The following NFAT5 variants were observed in gnomAD, a reference collection of about 807,000 sequenced individuals.
The protein encoded by NFAT5 is nuclear factor of activated T cells 5.
Under a neutral mutation model 166.5 loss-of-function variants are expected in NFAT5, and 31 were observed. The observed-to-expected ratio is 0.19, with a 90% CI of 0.14 to 0.25. The LOEUF is 0.25. Ranked by LOEUF, NFAT5 falls within the 10% of genes least tolerant of loss-of-function variation. The pLI is 1.00. For missense variants in NFAT5, 1,449 were observed against 1,821.8 expected (o/e 0.80, Z 3.72); for synonymous variants, 612 against 639.7 (o/e 0.96, Z 0.65).
At chr16:69,625,726 A>T (rs2034424814) in intron 2 of NFAT5, among the ~76,000 whole-genome samples, 1 of 152,094 alleles carries the variant, frequency 6.6e-6, no homozygotes, top group Admixed American at 6.5e-5. Context: ...ATGCCATTTC[A>T]TATGTAAAGG....
intron 2 of NFAT5, among the ~76,000 whole-genome samples, chr16:69,573,867 C>A (rs1470282463): frequency 7.1e-6 from 1 of 140,670 alleles, no homozygotes; most frequent in African/African-American, 2.7e-5. Flanking sequence ...AAAAAACAGC[C>A]ACTTTTTTTT....
chr16:69,655,307 G>A (rs1057268137), intron 5 of NFAT5, among the ~76,000 whole-genome samples: 1 of 152,076 alleles, frequency 6.6e-6, no homozygotes, highest in African/African-American at 2.4e-5. Context: ...CCCAAATGCT[G>A]CCTGAAGTAC....
intron 2 of NFAT5, among the ~76,000 whole-genome samples, chr16:69,594,917 G>T (rs1424775470): frequency 2.6e-5 from 4 of 152,140 alleles, no homozygotes; most frequent in Non-Finnish European, 5.9e-5. Flanking sequence ...ACATTCGAGG[G>T]CAGGAAACAT....
chr16:69,661,267 C>T (rs1303542543), intron 7 of NFAT5, among the ~76,000 whole-genome samples: 1 of 150,840 alleles, frequency 6.6e-6, no homozygotes, highest in African/African-American at 2.4e-5. Flanking sequence ...TCATTTTACT[C>T]CAGCTGTTTA....
intron 11 of NFAT5, among the ~76,000 whole-genome samples, chr16:69,689,606 C>T (rs1031935790): frequency 2.0e-5 from 3 of 152,202 alleles, no homozygotes; most frequent in Admixed American, 2.0e-4. Context: ...TACAGTAGAG[C>T]GATCTCAGCT....
chr16:69,694,851 A>G (rs1181184374), intron 13 of NFAT5, among the ~76,000 whole-genome samples: 2 of 152,250 alleles, frequency 1.3e-5, no homozygotes, highest in Middle Eastern at 3.2e-3. Context: ...TAATGTTTAT[A>G]TACCAAGGAA....
Position 69,692,630 on chromosome 16 carries a change from T to A in NFAT5, c.2805T>A (p.Pro935=), listed in dbSNP as rs1270542173. The A allele has an allele frequency of 6.2e-7, 1 of 1,614,112 alleles. No individual in the cohort carries two copies. Among genetic ancestry groups the A allele is most frequent in the Non-Finnish European group, 8.5e-7 (1 of 1,180,052 alleles). The change falls in exon 13 of 15, where the codon CCT becomes CCA. Residue 935 remains proline (P), a synonymous_variant. Transcript: ENST00000349945. ...AAAQIQSELF[P]STASANGNLQ... ...CCCAGATTCAGTCAGAGTTATTCCC[T>A]TCAACTGCTTCAGCAAATGGAAACC...
chr16:69,566,889 G>T lies in NFAT5; in HGVS notation c.73+515G>T, dbSNP rs1269763774. Among the ~76,000 whole-genome samples the T allele has an allele frequency of 2.0e-5, 3 of 152,026 alleles. No individual in the cohort carries two copies. On this transcript the variant is annotated intron_variant, in intron 1 of 14. Transcript: ENST00000349945. The surrounding 1 kb of genome is among the most constrained non-coding windows in gnomAD (Gnocchi z 5.7). ...CTTTCCAGCTTGTTTTTGCGCCGTCGTTCCACCCCCTCTCCCTCCGGCCTA... is the reference window on the plus strand; with the variant it reads ...CTTTCCAGCTTGTTTTTGCGCCGTCTTTCCACCCCCTCTCCCTCCGGCCTA...
At chr16:69,581,835 A>T (rs1250581461) in intron 2 of NFAT5, among the ~76,000 whole-genome samples, 1 of 152,220 alleles carries the variant, frequency 6.6e-6, no homozygotes, top group East Asian at 1.9e-4. Context: ...GTTGTTTTGA[A>T]ATATGTATAC....
intron 2 of NFAT5, among the ~76,000 whole-genome samples, chr16:69,599,724 G>A (rs1362119426): frequency 6.6e-6 from 1 of 152,180 alleles, no homozygotes. Flanking sequence ...GTAAGCAATG[G>A]AGATAAATGT....
At chr16:69,618,845 G>A (rs1567545586) in intron 2 of NFAT5, among the ~76,000 whole-genome samples, 1 of 152,104 alleles carries the variant, frequency 6.6e-6, no homozygotes, top group Non-Finnish European at 1.5e-5. Context: ...AGCATTCATT[G>A]TTTGAGTAAC....
At chr16:69,578,812 T>C (rs889966818) in intron 2 of NFAT5, among the ~76,000 whole-genome samples, 1 of 151,916 alleles carries the variant, frequency 6.6e-6, no homozygotes. Context: ...ATTCAACTTA[T>C]AAACACCTTG....
In NFAT5 at chr16:69,670,119, C is replaced by T. The variant is rs771199145; in HGVS notation, c.1504+8C>T. On this transcript the variant is annotated splice_region_variant and intron_variant, in intron 8 of 14. Transcript: ENST00000349945. ...TCCAAGAAAATGTTTCTGGTAAGTA[C>T]GCATATTTGTGGTACAGATATTTGT... The T allele has an allele frequency of 1.1e-5, 17 of 1,609,288 alleles. No individual in the cohort carries two copies. The highest frequency in any genetic ancestry group is 3.3e-5 in the South Asian group (3 of 90,092).
chr16:69,632,170 A>G (rs943741496), intron 3 of NFAT5: 1 of 152,188 alleles, frequency 6.6e-6, no homozygotes, highest in Non-Finnish European at 1.5e-5. Flanking sequence ...TTTCTAAACC[A>G]TCTATAATAA....
intron 4 of NFAT5, among the ~76,000 whole-genome samples, chr16:69,649,800 A>T (rs1188407380): frequency 6.6e-6 from 1 of 152,016 alleles, no homozygotes; most frequent in Non-Finnish European, 1.5e-5. Flanking sequence ...CTAATGTGCC[A>T]TAAATCTACA....
At chr16:69,676,099 A>C (rs2036822122) in intron 9 of NFAT5, among the ~76,000 whole-genome samples, 1 of 152,224 alleles carries the variant, frequency 6.6e-6, no homozygotes. Context: ...ACTAAATTTT[A>C]AATGTCATCA....
At chr16:69,577,110 T>G (rs986234108) in intron 2 of NFAT5, among the ~76,000 whole-genome samples, 2 of 152,224 alleles carry the variant, frequency 1.3e-5, no homozygotes, top group Non-Finnish European at 2.9e-5. Context: ...TTGTCTTTTT[T>G]AATCTGCCCC....
At chr16:69,644,745 C>G (rs1297260344) in intron 3 of NFAT5, 4 of 409,716 alleles carry the variant, frequency 9.8e-6, no homozygotes, top group Non-Finnish European at 1.9e-5. Flanking sequence ...ATATAACTTG[C>G]TTTTGGGTTC....
intron 2 of NFAT5, among the ~76,000 whole-genome samples, chr16:69,584,617 C>T (rs2031923262): frequency 6.6e-6 from 1 of 151,374 alleles, no homozygotes; most frequent in African/African-American, 2.4e-5. Context: ...AGCAAGACAC[C>T]ATCTCTACAA....
Sources: gnomAD v4.1 joint callset for allele counts (sites outside exome capture counted in the v4.1 genomes callset) on GRCh38, gnomAD v4.1.1 for gene constraint, Gnocchi (gnomAD v3.1) non-coding constraint, MANE v1.5 for transcripts, NCBI Gene and HGNC (gene_info 2026-07-23, HGNC 2026-07-21) for gene names.